ABCA3: variants seen among roughly 807,000 people sequenced by gnomAD.
ABCA3 encodes the protein phospholipid-transporting ATPase ABCA3.
In ABCA3, 88 loss-of-function variants were observed where a neutral mutation model predicts 172.8. The observed-to-expected ratio is 0.51, with a 90% CI of 0.43 to 0.61. The LOEUF (loss-of-function observed/expected upper bound fraction) is 0.61. ABCA3 is among the 20% of genes least tolerant of loss of function. The pLI, the probability that ABCA3 is intolerant of heterozygous loss-of-function variation, is 0.00. For synonymous variants in ABCA3, 1,066 were observed against 983.8 expected, an observed-to-expected ratio of 1.08 and a Z score of -1.56; for missense variants, 2,164 against 2,301.0, an observed-to-expected ratio of 0.94 and a Z score of 1.22.
intron 3 of ABCA3, among the ~76,000 whole-genome samples, chr16:2,327,923 G>T (rs935589330): frequency 6.6e-6 from 1 of 152,070 alleles, no homozygotes; most frequent in Non-Finnish European, 1.5e-5. Flanking sequence ...GTTTCACCAT[G>T]TTGGCCAGGC....
Position 2,281,060 on chromosome 16 carries a change from G to A in ABCA3, c.4326C>T (p.Val1442=), listed in dbSNP as rs538210968. ...EESLTSGDAF[V]GGHRISSDVG... is the part of the protein sequence containing the mutation. ...CATCAGAGCTGATTCTGTGACCCCC[G>A]ACAAAGGCATCCCCAGAAGTGAGGC... The change falls in exon 28 of 33, where the codon GTC becomes GTT. Residue 1442 remains valine, a synonymous_variant. Transcript: ENST00000301732. The surrounding 1 kb of genome is among the most constrained non-coding windows in gnomAD (Gnocchi z 4.7). 3.3e-5 allele frequency: 53 copies of A among 1,613,812 alleles called. No individual in the cohort carries two copies. Among genetic ancestry groups the A allele is most frequent in the South Asian group, 4.4e-5 (4 of 91,064 alleles).
At chr16:2,299,342 G>A (rs1369477149) in intron 14 of ABCA3, 61 bp downstream of exon 14, 12 of 1,604,324 alleles carry the variant, frequency 7.5e-6, no homozygotes, top group South Asian at 2.2e-5. Flanking sequence ...CGGGGCTGGC[G>A]CTGAGATGGT....
chr16:2,328,357 C>A, intron 3 of ABCA3, 96 bp downstream of exon 3: 1 of 382,746 alleles, frequency 2.6e-6, no homozygotes. Flanking sequence ...TAGCAAGACC[C>A]TATCTCTATA....
intron 1 of ABCA3, among the ~76,000 whole-genome samples, chr16:2,332,912 T>C (rs971786873): frequency 4.6e-5 from 7 of 152,084 alleles, no homozygotes; most frequent in Admixed American, 1.3e-4. Flanking sequence ...GCTCAAGTGA[T>C]CGTCTTGCCT....
Position 2,297,466 on chromosome 16 carries a change from C to T in ABCA3, c.2126G>A (p.Arg709Gln), listed in dbSNP as rs377496477. Reference protein sequence around the residue: ...SRRAIWDLLQRQKSDRTIVLT... With the variant: ...SRRAIWDLLQQQKSDRTIVLT... The stretch of plus-strand genomic sequence containing the variant: ...CACGATGGTGCGGTCACTTTTCTGC[C>T]GCTGAAGAAGATCCCAGATGGCCCT... Residue 709 changes from arginine (R) to glutamine (Q), a missense_variant, in exon 17 of 33, where the codon CGG becomes CAG. Arg to Gln is a conservative substitution (Grantham distance 43, BLOSUM62 1). Coordinates refer to ENST00000301732, the MANE Select transcript of ABCA3 (RefSeq NM_001089.3). The surrounding 1 kb of genome is among the most constrained non-coding windows in gnomAD (Gnocchi z 5.6). The T allele has an allele frequency of 8.2e-5, 132 of 1,613,668 alleles. 1 individual carries two copies. The highest frequency in any genetic ancestry group is 1.1e-4 in the East Asian group (5 of 44,868).
In ABCA3 at chr16:2,294,164, C is replaced by T. The variant is rs12926633; in HGVS notation, c.2414+1426G>A. Among the ~76,000 whole-genome samples the T allele has an allele frequency of 2.6e-5, 4 of 151,138 alleles. No individual in the cohort carries two copies. In the East Asian group the frequency reaches 7.9e-4, roughly 30 times the overall value. ...TCCTGAGTAGCTGGGATTACAGGCA[C>T]CCACCACCACGCCCGGCTAATTTTT... On this transcript the variant is annotated intron_variant, in intron 18 of 32. Transcript: ENST00000301732.
Position 2,277,785 on chromosome 16 carries a change from G to T in ABCA3, c.4909+94C>A. On this transcript the variant is annotated intron_variant, in intron 31 of 32. Transcript: ENST00000301732. This position sits in a 1 kb window ranked among gnomAD's most constrained non-coding sequence, Gnocchi z 5.3. ...AGGGATTGGGGAGATGGGACTTGGC[G>T]GGGCGAGGCACAGACGCTCCGCACA... The T allele has an allele frequency of 6.3e-7, 1 of 1,590,982 alleles. No individual in the cohort carries two copies.
In ABCA3 at chr16:2,286,631, T is replaced by G; in HGVS notation, c.3278+63A>C. 6.2e-7 allele frequency: 1 copy of G among 1,601,466 alleles called. No individual in the cohort carries two copies. The highest frequency in any genetic ancestry group is 1.1e-5 in the South Asian group (1 of 90,496). On this transcript the variant is annotated intron_variant, in intron 22 of 32. Coordinates refer to ENST00000301732, the MANE Select transcript of ABCA3 (RefSeq NM_001089.3). This position sits in a 1 kb window ranked among gnomAD's most constrained non-coding sequence, Gnocchi z 5.2. Reference sequence around the variant, plus strand: ...TGCTCTATCTATGGGCCCGTGGCAGTGCCCAGGGCAGTCAGTCCTGGGGGC... The same window carrying G: ...TGCTCTATCTATGGGCCCGTGGCAGGGCCCAGGGCAGTCAGTCCTGGGGGC...
intron 1 of ABCA3, among the ~76,000 whole-genome samples, chr16:2,336,430 AC>A (rs1231626661): frequency 6.7e-6 from 1 of 149,624 alleles, no homozygotes; most frequent in Non-Finnish European, 1.5e-5. Flanking sequence ...AATATACAGA[AC>A]TTTTTTTTTT....
intron 11 of ABCA3, among the ~76,000 whole-genome samples, chr16:2,306,126 A>T (rs1286581663): frequency 6.6e-6 from 1 of 151,954 alleles, no homozygotes; most frequent in Non-Finnish European, 1.5e-5. Flanking sequence ...CTGACACAGG[A>T]GGATTGCTTG....
Position 2,283,407 on chromosome 16 carries a change from C to A in ABCA3, c.3863-49G>T. 1 of 1,597,116 alleles carries A rather than the reference C, an allele frequency of 6.3e-7. No homozygotes were observed. Among genetic ancestry groups the A allele is most frequent in the South Asian group, 1.1e-5 (1 of 90,076 alleles). ...GCCCCGAGGCCTGGGGCACCCTCCT[C>A]CCCTTCCAGGTTCCCGGCCCCCACT... On this transcript the variant is annotated intron_variant, in intron 25 of 32. Transcript: ENST00000301732. The surrounding 1 kb of genome is among the most constrained non-coding windows in gnomAD (Gnocchi z 5.4).
At chr16:2,327,950 A>T (rs1397101584) in intron 3 of ABCA3, among the ~76,000 whole-genome samples, 1 of 151,978 alleles carries the variant, frequency 6.6e-6, no homozygotes, top group Non-Finnish European at 1.5e-5. Context: ...TGAACTCCTG[A>T]CCTCAAATGA....
chr16:2,325,978 G>A (rs1208691005), intron 5 of ABCA3, 32 bp downstream of exon 5: 6 of 1,611,246 alleles, frequency 3.7e-6, no homozygotes, highest in Non-Finnish European at 5.1e-6. Context: ...GGCACCACTA[G>A]GCCTGGCACC....
chr16:2,289,005 T>A (rs1281103048), intron 20 of ABCA3: 1 of 191,216 alleles, frequency 5.2e-6, no homozygotes, highest in Non-Finnish European at 1.1e-5. Context: ...TCCTTCCTGG[T>A]CCTCCGAGAC....
At chr16:2,292,755 A>G (rs2093674003) in intron 18 of ABCA3, among the ~76,000 whole-genome samples, 1 of 152,126 alleles carries the variant, frequency 6.6e-6, no homozygotes, top group South Asian at 2.1e-4. Flanking sequence ...CTCTGTCTCT[A>G]CTAAAATAAA....
At position 2,304,154 on chromosome 16, in the gene ABCA3, G is replaced by GAAGACACATCAGGA; in HGVS notation, c.1286-18_1286-5dup. On this transcript the variant is annotated splice_region_variant and splice_polypyrimidine_tract_variant and intron_variant, in intron 11 of 32. Transcript: ENST00000301732. ...TCTCGCCACTGGATGCCCATGCCTG[G>GAAGACACATCAGGA]AAGACACATCAGGAAAGTGGCCCGA... 6.2e-7 allele frequency: 1 copy of GAAGACACATCAGGA among 1,614,086 alleles called. No homozygotes were observed. The highest frequency in any genetic ancestry group is 8.5e-7 in the Non-Finnish European group (1 of 1,180,034).
rs928585910 is a variant in ABCA3 at position 2,276,611 on chromosome 16, G to T, written c.*63C>A. 1.3e-6 allele frequency: 2 copies of T among 1,598,216 alleles called. No individual in the cohort carries two copies. Among genetic ancestry groups the T allele is most frequent in the African/African-American group, 2.7e-5 (2 of 74,688 alleles). On this transcript the variant is annotated 3_prime_UTR_variant, in exon 33 of 33. Coordinates refer to ENST00000301732, the MANE Select transcript of ABCA3 (RefSeq NM_001089.3). Reference sequence around the variant, plus strand: ...GGATGAGATAAACTTGGAGAGAGAGGATGTAAGATGGGCCCTGCTTGCCCG... The same window carrying T: ...GGATGAGATAAACTTGGAGAGAGAGTATGTAAGATGGGCCCTGCTTGCCCG...
chr16:2,297,553 C>G lies in ABCA3; in HGVS notation c.2053-14G>C, dbSNP rs780169783. ...CAGTATCAGCACCTGGAGGGAGAGA[C>G]ACAGTCTCGCGACGCTGGTAGAGCC... On this transcript the variant is annotated splice_polypyrimidine_tract_variant and intron_variant, in intron 16 of 32. Coordinates refer to ENST00000301732, the MANE Select transcript of ABCA3 (RefSeq NM_001089.3). The surrounding 1 kb of genome is among the most constrained non-coding windows in gnomAD (Gnocchi z 5.6). The G allele has an allele frequency of 1.6e-5, 25 of 1,611,156 alleles. No individual in the cohort carries two copies. The highest frequency in any genetic ancestry group is 4.5e-5 in the East Asian group (2 of 44,836).
At chr16:2,296,334 A>ACTC (rs2093679772) in intron 17 of ABCA3, among the ~76,000 whole-genome samples, 1 of 151,750 alleles carries the variant, frequency 6.6e-6, no homozygotes, top group African/African-American at 2.4e-5. Flanking sequence ...TGGTTCAAGT[A>ACTC]CTTATTCTCC....
Sources: allele counts gnomAD v4.1 joint callset (sites outside exome capture counted in the v4.1 genomes callset), GRCh38; gene constraint gnomAD v4.1.1; non-coding constraint Gnocchi (gnomAD v3.1); transcripts MANE v1.5; gene names NCBI Gene and HGNC (gene_info 2026-07-23, HGNC 2026-07-21).